The following CTNNA3 variants were observed in gnomAD, a reference collection of about 807,000 sequenced individuals.
CTNNA3 encodes catenin alpha 3, also known as catenin alpha-3.
Under a neutral mutation model 95.7 loss-of-function variants are expected in CTNNA3, and 76 were observed. The observed-to-expected ratio is 0.79, with a 90% CI of 0.66 to 0.96. The LOEUF (loss-of-function observed/expected upper bound fraction) is 0.96, where lower values mean the gene tolerates loss of function less well. Among genes scored for constraint, CTNNA3 ranks in the 40% least tolerant of loss-of-function variants. The probability of loss-of-function intolerance (pLI) is 0.00; values close to 1 mark genes in which losing one functional copy is unlikely to be tolerated. For synonymous variants in CTNNA3, 431 were observed against 374.4 expected, an observed-to-expected ratio of 1.15 and a Z score of -1.74; for missense variants, 1,191 against 1,089.8, an observed-to-expected ratio of 1.09 and a Z score of -1.31.
chr10:66,840,368 TCTCTCACACA>T (rs1251474163), intron 7 of CTNNA3, among the ~76,000 whole-genome samples: 4,624 of 77,200 alleles, frequency 0.06, 53 homozygotes, highest in Non-Finnish European at 0.073. Flanking sequence ...TCTCTCTCTC[TCTCTCACACA>T]CACACACACA....
intron 7 of CTNNA3, among the ~76,000 whole-genome samples, chr10:66,816,757 G>A (rs949217316): frequency 2.0e-5 from 3 of 151,896 alleles, no homozygotes; most frequent in African/African-American, 7.2e-5. Context: ...ACATTCTCCA[G>A]AATAAACCAT....
intron 3 of CTNNA3, among the ~76,000 whole-genome samples, chr10:67,584,268 G>C (rs1302448949): frequency 6.6e-6 from 1 of 152,172 alleles, no homozygotes; most frequent in Non-Finnish European, 1.5e-5. Flanking sequence ...CTTTCTGTTT[G>C]TTAGTTTTCC....
At position 65,988,711 on chromosome 10, in the gene CTNNA3, G is replaced by T. The variant is rs1211245436; in HGVS notation, c.2246C>A (p.Ala749Asp). ...SESGSRMDVL[A>D]RQIANQCPDP... ...ACTCACCTGATTAGCAATCTGCCGA[G>T]CAAGGACATCCATCCTTGATCCTGA... The change falls in exon 16 of 18, where the codon GCT (alanine) becomes GAT (aspartate). Residue 749 changes from alanine to aspartate, a missense_variant. Transcript: ENST00000433211. 5.6e-6 allele frequency: 9 copies of T among 1,613,138 alleles called. No individual in the cohort carries two copies. Among genetic ancestry groups the T allele is most frequent in the Non-Finnish European group, 5.1e-6 (6 of 1,179,272 alleles).
intron 7 of CTNNA3, among the ~76,000 whole-genome samples, chr10:67,100,089 C>T (rs983740932): frequency 2.0e-5 from 3 of 151,710 alleles, no homozygotes; most frequent in African/African-American, 7.3e-5. Context: ...GGTTTATCTA[C>T]TAATAAACCT....
intron 5 of CTNNA3, among the ~76,000 whole-genome samples, chr10:67,402,638 C>T (rs941038054): frequency 6.6e-6 from 1 of 152,166 alleles, no homozygotes; most frequent in African/African-American, 2.4e-5. Flanking sequence ...GGAACCCCCA[C>T]CCCAGCCAAG....
chr10:66,578,699 T>A (rs1226472360), intron 10 of CTNNA3, among the ~76,000 whole-genome samples: 1 of 151,926 alleles, frequency 6.6e-6, no homozygotes, highest in Admixed American at 6.6e-5. Flanking sequence ...CTTTTTGATG[T>A]GCTGTTAGAT....
intron 7 of CTNNA3, among the ~76,000 whole-genome samples, chr10:67,024,416 A>G (rs1390708778): frequency 6.6e-6 from 1 of 152,184 alleles, no homozygotes; most frequent in Non-Finnish European, 1.5e-5. Flanking sequence ...CCCTATCTCA[A>G]AATCCTTAAT....
intron 14 of CTNNA3, among the ~76,000 whole-genome samples, chr10:66,077,881 T>G (rs1589335857): frequency 6.6e-6 from 1 of 151,688 alleles, no homozygotes; most frequent in East Asian, 1.9e-4. Flanking sequence ...TATATATAAT[T>G]ATATATTGAA....
chr10:65,943,164 C>T lies in CTNNA3; in HGVS notation c.2401-22547G>A, dbSNP rs1203352256. On this transcript the variant is annotated intron_variant, in intron 17 of 17. Coordinates refer to ENST00000433211, the MANE Select transcript of CTNNA3 (RefSeq NM_013266.4). Reference sequence around the variant, plus strand: ...CTGCAAGCTCCGCCTCCTGGGCTCACGCCATCCTTCTGCCTCAGCTTCCCA... The same window carrying T: ...CTGCAAGCTCCGCCTCCTGGGCTCATGCCATCCTTCTGCCTCAGCTTCCCA... Among the ~76,000 whole-genome samples the T allele has an allele frequency of 4.0e-5, 6 of 151,798 alleles. No individual in the cohort carries two copies. In the South Asian group the frequency reaches 6.2e-4, roughly 16 times the overall value.
At chr10:66,011,170 A>C (rs2078998539) in intron 15 of CTNNA3, among the ~76,000 whole-genome samples, 1 of 152,128 alleles carries the variant, frequency 6.6e-6, no homozygotes, top group African/African-American at 2.4e-5. Flanking sequence ...GTCACCATAG[A>C]TGCCACTCGC....
rs191159663 is a variant in CTNNA3 at position 66,303,504 on chromosome 10, T to A, written c.1733-22883A>T. ...TGCACATCATTATGGGTAAAAAAACTTTTTTATTTAAACAATTATTATTAA... is the reference window on the plus strand; with the variant it reads ...TGCACATCATTATGGGTAAAAAAACATTTTTATTTAAACAATTATTATTAA... On this transcript the variant is annotated intron_variant, in intron 12 of 17. Coordinates refer to ENST00000433211, the MANE Select transcript of CTNNA3 (RefSeq NM_013266.4). Among the ~76,000 whole-genome samples, 152 of 151,816 alleles carry A rather than the reference T, an allele frequency of 1.0e-3. 1 individual carries two copies. Among genetic ancestry groups the A allele is most frequent in the South Asian group, 2.9e-3 (14 of 4,810 alleles).
At chr10:66,070,075 A>G (rs2080403700) in intron 14 of CTNNA3, among the ~76,000 whole-genome samples, 1 of 152,202 alleles carries the variant, frequency 6.6e-6, no homozygotes, top group Non-Finnish European at 1.5e-5. Flanking sequence ...AAAATTATCA[A>G]AATATTTTCA....
In CTNNA3 at chr10:67,196,229, T is replaced by C. The variant is rs183102156; in HGVS notation, c.844-15709A>G. ...TACTTAATCTAAAGAATAGAAGCTT[T>C]AGATATAAAAAAAATTTTAAGAAGG... On this transcript the variant is annotated intron_variant, in intron 6 of 17. Coordinates refer to ENST00000433211, the MANE Select transcript of CTNNA3 (RefSeq NM_013266.4). Among the ~76,000 whole-genome samples the C allele has an allele frequency of 2.2e-3, 329 of 152,134 alleles. 7 individuals carry two copies. Among genetic ancestry groups the C allele is most frequent in the East Asian group, 7.7e-3 (40 of 5,184 alleles).
At chr10:66,221,192 A>G (rs1208820425) in intron 13 of CTNNA3, among the ~76,000 whole-genome samples, 2 of 152,208 alleles carry the variant, frequency 1.3e-5, no homozygotes, top group African/African-American at 4.8e-5. Context: ...ATGACATTAA[A>G]TAATTACACC....
intron 11 of CTNNA3, among the ~76,000 whole-genome samples, chr10:66,401,282 G>T (rs2921935): frequency 0.65 from 98,254 of 151,854 alleles, 33,389 homozygotes; most frequent in East Asian, 0.88. Context: ...ATCCCAGCAC[G>T]CTGGGAGGCT....
intron 7 of CTNNA3, among the ~76,000 whole-genome samples, chr10:66,840,362 TCTCTCTCTCTCACACACACA>T (rs1564716133): frequency 2.0e-5 from 2 of 98,538 alleles, no homozygotes; most frequent in Non-Finnish European, 3.8e-5. Context: ...TCTCTCTCTC[TCTCTCTCTCTCACACACACA>T]CACACACACA....
At chr10:67,439,254 C>T (rs1846411586) in intron 5 of CTNNA3, among the ~76,000 whole-genome samples, 1 of 152,122 alleles carries the variant, frequency 6.6e-6, no homozygotes. Flanking sequence ...CTGTATTAGC[C>T]TGTTCTTGCA....
At chr10:66,840,350 TCTCTCTCTCTCTCTCTCTCTCTCACACA>T (rs1564716053) in intron 7 of CTNNA3, among the ~76,000 whole-genome samples, 2 of 122,338 alleles carry the variant, frequency 1.6e-5, no homozygotes, top group African/African-American at 8.0e-5. Flanking sequence ...TCTCTCTCTC[TCTCTCTCTCTCTCTCTCTCTCTCACACA>T]CACACACACA....
intron 5 of CTNNA3, among the ~76,000 whole-genome samples, chr10:67,327,312 G>A (rs1415609345): frequency 1.3e-5 from 2 of 152,204 alleles, no homozygotes; most frequent in Non-Finnish European, 2.9e-5. Context: ...GGCTTTTTGA[G>A]TTATCAGGGT....
Sources: allele counts gnomAD v4.1 joint callset (sites outside exome capture counted in the v4.1 genomes callset), GRCh38; gene constraint gnomAD v4.1.1; transcripts MANE v1.5; gene names NCBI Gene and HGNC (gene_info 2026-07-23, HGNC 2026-07-21).